The following LCORL variants were observed in gnomAD, a reference collection of about 807,000 sequenced individuals.
LCORL encodes ligand-dependent nuclear receptor corepressor-like protein.
A neutral mutation model predicts 141.8 loss-of-function variants in LCORL; 41 were observed. The ratio of observed to expected loss-of-function variants is 0.29; its 90% CI spans 0.23 to 0.38. The LOEUF is 0.38. LCORL is among the 10% of genes least tolerant of loss of function. The probability of loss-of-function intolerance (pLI) is 1.00; values close to 1 mark genes in which losing one functional copy is unlikely to be tolerated. For synonymous variants in LCORL, 618 were observed against 694.1 expected, an observed-to-expected ratio of 0.89 and a Z score of 1.72; for missense variants, 1,759 against 2,035.0, an observed-to-expected ratio of 0.86 and a Z score of 2.61.
intron 5 of LCORL, among the ~76,000 whole-genome samples, chr4:17,897,578 G>C (rs1034130481): frequency 6.6e-6 from 1 of 152,002 alleles, no homozygotes; most frequent in African/African-American, 2.4e-5. Context: ...TAAAGAACTG[G>C]TGTGGTGTGT....
intron 4 of LCORL, among the ~76,000 whole-genome samples, chr4:17,937,929 T>G (rs1737131499): frequency 6.6e-6 from 1 of 152,074 alleles, no homozygotes. Flanking sequence ...TTTAATATAA[T>G]TTTCAAATTA....
At chr4:17,858,094 AT>A (rs1358342793) in intron 7 of LCORL, among the ~76,000 whole-genome samples, 1 of 152,238 alleles carries the variant, frequency 6.6e-6, no homozygotes, top group African/African-American at 2.4e-5. Context: ...TAATGGAGAT[AT>A]TTTAAATACA....
intron 4 of LCORL, among the ~76,000 whole-genome samples, chr4:17,945,309 C>CA (rs926026531): frequency 1.3e-5 from 2 of 151,396 alleles, no homozygotes; most frequent in African/African-American, 4.9e-5. Flanking sequence ...AGAATACAAA[C>CA]AAAAAATATC....
At chr4:17,916,447 C>T (rs78993313) in intron 4 of LCORL, among the ~76,000 whole-genome samples, 2,188 of 152,130 alleles carry the variant, frequency 0.014, 63 homozygotes, top group East Asian at 0.13. Context: ...CCTCAGTCCA[C>T]GTGAGATCTG....
intron 4 of LCORL, chr4:17,912,315 C>A: frequency 1.5e-6 from 1 of 677,108 alleles, no homozygotes; most frequent in Non-Finnish European, 2.8e-6. Flanking sequence ...TCGAGGCTCT[C>A]AAAGAGGAGC....
intron 5 of LCORL, among the ~76,000 whole-genome samples, chr4:17,901,067 T>G (rs1730790653): frequency 6.6e-6 from 1 of 152,160 alleles, no homozygotes; most frequent in Non-Finnish European, 1.5e-5. Context: ...ATTGTTCTTT[T>G]TTTTAAAAAA....
chr4:17,969,442 C>T (rs940258161), intron 2 of LCORL, among the ~76,000 whole-genome samples: 4 of 152,082 alleles, frequency 2.6e-5, no homozygotes, highest in African/African-American at 7.2e-5. Flanking sequence ...AAAACACTAG[C>T]GTGTAAGATA....
intron 7 of LCORL, among the ~76,000 whole-genome samples, chr4:17,846,314 T>C (rs1722929930): frequency 6.6e-6 from 1 of 152,196 alleles, no homozygotes; most frequent in Non-Finnish European, 1.5e-5. Context: ...ACATGTATTG[T>C]CTCATCTGAA....
exon 8 of LCORL, chr4:17,845,621 A>G: frequency 1.3e-6 from 1 of 754,532 alleles, no homozygotes. Flanking sequence ...ATAAAGACAA[A>G]TCACAGGACT....
chr4:17,931,084 T>C (rs942420862), intron 4 of LCORL, among the ~76,000 whole-genome samples: 9 of 152,172 alleles, frequency 5.9e-5, no homozygotes, highest in African/African-American at 2.2e-4. Flanking sequence ...AATAATCCAT[T>C]TCACTTAAGT....
At chr4:17,926,099 C>T (rs1735103004) in intron 4 of LCORL, among the ~76,000 whole-genome samples, 1 of 152,100 alleles carries the variant, frequency 6.6e-6, no homozygotes, top group Admixed American at 6.5e-5. Context: ...ATAATTATTA[C>T]ATTACTGTCT....
At chr4:17,922,919 C>T (rs185404304) in intron 4 of LCORL, among the ~76,000 whole-genome samples, 32 of 152,286 alleles carry the variant, frequency 2.1e-4, no homozygotes, top group Non-Finnish European at 4.1e-4. Flanking sequence ...AGCATTTCCA[C>T]CTTTGTCTGA....
chr4:17,876,838 A>C, exon 7 of LCORL: 2 of 1,230,746 alleles, frequency 1.6e-6, no homozygotes, highest in Non-Finnish European at 2.0e-6. Flanking sequence ...AAGCTTTCTG[A>C]AAATTCATTA....
At chr4:17,984,415 G>A (rs767153007) in intron 1 of LCORL, among the ~76,000 whole-genome samples, 3 of 152,034 alleles carry the variant, frequency 2.0e-5, no homozygotes, top group Non-Finnish European at 4.4e-5. Flanking sequence ...TTTTAGGTTG[G>A]TAGGGTATTC....
chr4:17,876,528 T>C (rs1726941448), exon 7 of LCORL: 2 of 1,230,950 alleles, frequency 1.6e-6, no homozygotes, highest in Admixed American at 4.2e-5. Context: ...TAGGTCTATA[T>C]TGTGTGAGCT....
rs775544332 is a variant in LCORL at position 17,998,964 on chromosome 4, C to CAAAAAA, written c.154+22628_154+22633dup. 5.6e-3 allele frequency among the ~76,000 whole-genome samples: 253 copies of CAAAAAA among 44,794 alleles called. 7 individuals carry two copies. The highest frequency in any genetic ancestry group is 0.023 in the African/African-American group (237 of 10,154). The allele number at this position is 44,794 out of a possible 152,430, so 29.4% of individuals were successfully genotyped here. A position where few individuals can be genotyped will look rare whatever the true frequency, so the allele number is the denominator to read the frequency against. On this transcript the variant is annotated intron_variant, in intron 1 of 7. Transcript: ENST00000635767. ...TGGGTGACAGAGTGAGACCCTGTCT[C>CAAAAAA]AAAAAAAAAAAAAAAAAAAAAATAT... is the stretch of plus-strand genomic sequence containing the variant.
chr4:17,881,938 C>T (rs1296552503), intron 6 of LCORL: 1 of 978,378 alleles, frequency 1.0e-6, no homozygotes, highest in Admixed American at 6.3e-5. Context: ...ATGACCCTGA[C>T]ATCTGCTGTT....
chr4:17,986,892 ACAC>A (rs1441201965), intron 1 of LCORL, among the ~76,000 whole-genome samples: 61 of 152,220 alleles, frequency 4.0e-4, no homozygotes, highest in African/African-American at 1.5e-3. Context: ...AATTATGACT[ACAC>A]TTTTCATTTT....
chr4:17,945,045 T>C (rs766469896), intron 4 of LCORL, among the ~76,000 whole-genome samples: 6 of 152,104 alleles, frequency 3.9e-5, no homozygotes, highest in Non-Finnish European at 7.4e-5. Context: ...ACTTCCCAGG[T>C]ACAGTATTTA....
Sources: allele counts gnomAD v4.1 joint callset (sites outside exome capture counted in the v4.1 genomes callset), GRCh38; gene constraint gnomAD v4.1.1; transcripts MANE v1.5; gene names NCBI Gene and HGNC (gene_info 2026-07-23, HGNC 2026-07-21).